TPR: variants seen among roughly 807,000 people sequenced by gnomAD.
The protein encoded by TPR is translocated promoter region, nuclear basket protein, also known as nucleoprotein TPR.
A neutral mutation model predicts 316.1 loss-of-function variants in TPR; 51 were observed. The ratio of observed to expected loss-of-function variants is 0.16; its 90% confidence interval spans 0.13 to 0.20. The LOEUF is 0.20. Among genes scored for constraint, TPR ranks in the 10% least tolerant of loss-of-function variants. The pLI is 1.00. For synonymous variants in TPR, 981 were observed against 914.7 expected (o/e 1.07, Z -1.31); for missense variants, 2,272 against 2,754.8 (o/e 0.82, Z 3.92).
chr1:186,359,745 A>C (rs1410707394), intron 12 of TPR, 54 bp downstream of exon 12: 3 of 1,530,348 alleles, frequency 2.0e-6, no homozygotes. Flanking sequence ...ATACCTAGTA[A>C]ATCATTTCTC....
At chr1:186,349,033 G>A (rs907986536) in intron 21 of TPR, among the ~76,000 whole-genome samples, 4 of 152,126 alleles carry the variant, frequency 2.6e-5, no homozygotes, top group Admixed American at 1.3e-4. Flanking sequence ...GTCACATCCC[G>A]ATAAACTCAT....
intron 21 of TPR, among the ~76,000 whole-genome samples, chr1:186,347,939 A>G (rs542319045): frequency 3.0e-4 from 45 of 152,274 alleles, no homozygotes; most frequent in African/African-American, 1.1e-3. Flanking sequence ...TTATCTTCCT[A>G]AGTTGAGGAT....
At chr1:186,320,539 G>T in intron 45 of TPR, 121 bp from the exon 46 acceptor site, 1 of 786,064 alleles carries the variant, frequency 1.3e-6, no homozygotes, top group Non-Finnish European at 1.9e-6. Context: ...GAAACAGATT[G>T]AAAATAAAGT....
At position 186,332,213 on chromosome 1, in the gene TPR, G is replaced by A. The variant is rs367905191; in HGVS notation, c.5586C>T (p.Val1862=). 115 of 1,611,226 alleles carry A rather than the reference G, an allele frequency of 7.1e-5. 1 individual carries two copies. Among genetic ancestry groups the A allele is most frequent in the Non-Finnish European group, 9.7e-5 (114 of 1,178,972 alleles). Residue 1862 remains valine, a synonymous_variant, in exon 38 of 51, where the codon GTC becomes GTT. Coordinates refer to ENST00000367478, the MANE Select transcript of TPR (RefSeq NM_003292.3). The part of the protein sequence containing the change: ...EMPLPKKLKS[V]TPVGTEEEVM... ...TACGCACCTCAGTTCCTACAGGTGT[G>A]ACACTTTTCAACTTCTTTGGAAGAG...
At chr1:186,348,814 A>T (rs1256572132) in intron 21 of TPR, among the ~76,000 whole-genome samples, 1 of 152,212 alleles carries the variant, frequency 6.6e-6, no homozygotes, top group Non-Finnish European at 1.5e-5. Context: ...ACTAAATCTT[A>T]AATCTAAAAT....
intron 37 of TPR, 59 bp downstream of exon 37, chr1:186,333,037 TACTCAAGATATATATACTCAAGATAC>T (rs1423226603): frequency 1.8e-5 from 26 of 1,457,504 alleles, no homozygotes; most frequent in Non-Finnish European, 2.2e-5. Flanking sequence ...GTACAAAGAA[TACTCAAGATATATATACTCAAGATAC>T]ACTCAAGATC....
intron 40 of TPR, among the ~76,000 whole-genome samples, 153 bp downstream of exon 40, chr1:186,327,307 A>T (rs1197372593): frequency 2.1e-4 from 10 of 48,454 alleles, no homozygotes; most frequent in East Asian, 7.8e-4. Flanking sequence ...ATAATATATA[A>T]TATATTAAAT....
At chr1:186,333,472 C>T in intron 36 of TPR, 78 bp from the exon 37 acceptor site, 1 of 1,533,828 alleles carries the variant, frequency 6.5e-7, no homozygotes, top group African/African-American at 1.4e-5. Flanking sequence ...TTCTGTGGTA[C>T]ATGTCACCTT....
At chr1:186,325,332 T>C (rs1398649502) in intron 42 of TPR, among the ~76,000 whole-genome samples, 2 of 152,168 alleles carry the variant, frequency 1.3e-5, no homozygotes, top group Non-Finnish European at 2.9e-5. Flanking sequence ...TAACAAAATA[T>C]ATGCTATATT....
intron 27 of TPR, chr1:186,341,972 A>C (rs913782104): frequency 6.9e-6 from 1 of 145,518 alleles, no homozygotes; most frequent in African/African-American, 2.5e-5. Flanking sequence ...TACTATTATA[A>C]TTTTTTTTTT....
In TPR at chr1:186,329,144, AAATCCAAATGGT is replaced by A. The variant is rs1658082440; in HGVS notation, c.5689-1496_5689-1485del. ...AGACAATGCTAGAGGGGTGGAATAA[AAATCCAAATGGT>A]ATTTTGGAGTCACAGACAATTTTGC... On this transcript the variant is annotated intron_variant, in intron 39 of 50. Transcript: ENST00000367478. Among the ~76,000 whole-genome samples the A allele has an allele frequency of 5.3e-5, 8 of 152,310 alleles. 1 individual carries two copies. The South Asian group carries it at 1.7e-3, about 32-fold the overall frequency.
At position 186,374,976 on chromosome 1, in the gene TPR, G is replaced by A; in HGVS notation, c.53C>T (p.Pro18Leu). The A allele has an allele frequency of 6.2e-7, 1 of 1,614,098 alleles. No homozygotes were observed. Among genetic ancestry groups the A allele is most frequent in the Non-Finnish European group, 8.5e-7 (1 of 1,180,004 alleles). ...VLERTELNKL[P>L]KSVQNKLEKF... The stretch of plus-strand genomic sequence containing the variant: ...TTCAAGTTTGTTCTGGACAGACTTG[G>A]GCAGCTTGTTCAGCTCCGTGCGCTC... The change falls in exon 1 of 51, where the codon CCC becomes CTC. Residue 18 changes from proline to leucine, a missense_variant. Physicochemically the swap from Pro to Leu is moderately conservative, Grantham distance 98. Coordinates refer to ENST00000367478, the MANE Select transcript of TPR (RefSeq NM_003292.3).
At chr1:186,353,616 A>G (rs1658938279) in intron 18 of TPR, 72 bp downstream of exon 18, 2 of 1,535,782 alleles carry the variant, frequency 1.3e-6, no homozygotes, top group Non-Finnish European at 1.8e-6. Context: ...AGTGAGTAAA[A>G]TTCAAAGTAA....
At chr1:186,372,354 C>T (rs1439110401) in intron 2 of TPR, among the ~76,000 whole-genome samples, 1 of 152,146 alleles carries the variant, frequency 6.6e-6, no homozygotes, top group Non-Finnish European at 1.5e-5. Flanking sequence ...CCAGCCTGGC[C>T]AACATGGCGA....
At chr1:186,367,743 G>T in intron 4 of TPR, 143 bp downstream of exon 4, 1 of 522,832 alleles carries the variant, frequency 1.9e-6, no homozygotes. Context: ...TAAATGAGTA[G>T]GAGAAATAAT....
chr1:186,346,162 T>C lies in TPR; in HGVS notation c.3069A>G (p.Arg1023=). The C allele has an allele frequency of 1.2e-6, 2 of 1,612,896 alleles. No individual in the cohort carries two copies. The highest frequency in any genetic ancestry group is 1.7e-6 in the Non-Finnish European group (2 of 1,179,486). The part of the protein sequence containing the change: ...KEKQELQDDK[R]RAIESMEQQL... ...GTTGTTCCATGCTCTCTATGGCTCT[T>C]CTTTTATCATCCTGAAGTTCTTGTT... The change falls in exon 23 of 51, where the codon AGA becomes AGG. Residue 1023 remains arginine, a synonymous_variant. Transcript: ENST00000367478.
Position 186,322,503 on chromosome 1 carries a change from T to A in TPR, c.6366+15A>T, listed in dbSNP as rs201544379. 866 of 1,613,492 alleles carry A rather than the reference T, an allele frequency of 5.4e-4. 1 individual carries two copies. The highest frequency in any genetic ancestry group is 6.5e-4 in the Non-Finnish European group (772 of 1,179,564). ...CAAGAAATGAATTACTTTTACATAATGGGTAAGTACTTACCATGCCACCTA... is the reference window on the plus strand; with the variant it reads ...CAAGAAATGAATTACTTTTACATAAAGGGTAAGTACTTACCATGCCACCTA... On this transcript the variant is annotated intron_variant, in intron 44 of 50. Transcript: ENST00000367478.
At chr1:186,354,071 A>G (rs77805911) in intron 17 of TPR, 8,342 of 418,690 alleles carry the variant, frequency 0.02, 601 homozygotes, top group African/African-American at 0.16. Context: ...AATCTGTCAG[A>G]TTTGCCTCAA....
In TPR at chr1:186,327,058, ATAT is replaced by A. The variant is rs1657966408; in HGVS notation, c.5889+399_5889+401del. Reference sequence around the variant, plus strand: ...AAATATATATAAATATATAACATATATATTATATATAAATATATATAAATATAT... The same window carrying A: ...AAATATATATAAATATATAACATATATATATATAAATATATATAAATATAT... On this transcript the variant is annotated intron_variant, in intron 40 of 50. Transcript: ENST00000367478. 1.5e-4 allele frequency among the ~76,000 whole-genome samples: 2 copies of A among 12,926 alleles called. 1 individual carries two copies. Among genetic ancestry groups the A allele is most frequent in the African/African-American group, 5.6e-4 (2 of 3,570 alleles). 8.5% of individuals were successfully genotyped at this position (12,926 alleles called of 152,430 possible).
Sources: gnomAD v4.1 joint callset for allele counts (sites outside exome capture counted in the v4.1 genomes callset) on GRCh38, gnomAD v4.1.1 for gene constraint, MANE v1.5 for transcripts, NCBI Gene and HGNC (gene_info 2026-07-23, HGNC 2026-07-21) for gene names.